The following RBFOX1 variants were observed in gnomAD, a reference collection of about 807,000 sequenced individuals.
RBFOX1 encodes the protein RNA binding fox-1 homolog 1, also known as RNA binding protein fox-1 homolog 1.
RBFOX1 carries 8 observed loss-of-function variants against 57.7 expected under a neutral mutation model. The ratio of observed to expected loss-of-function variants is 0.14; its 90% CI spans 0.08 to 0.25. RBFOX1 has a LOEUF of 0.25. Among genes scored for constraint, RBFOX1 ranks in the 10% least tolerant of loss-of-function variants. The pLI is 1.00. For synonymous variants in RBFOX1, 326 were observed against 222.4 expected, an observed-to-expected ratio of 1.47 and a Z score of -4.15; for missense variants, 611 against 548.5, an observed-to-expected ratio of 1.11 and a Z score of -1.14.
intron 3 of RBFOX1, among the ~76,000 whole-genome samples, chr16:6,991,980 C>T (rs147486478): frequency 2.6e-5 from 4 of 152,104 alleles, no homozygotes; most frequent in Non-Finnish European, 4.4e-5. Flanking sequence ...TAACAGGACT[C>T]CCTGTGTTTC....
At chr16:5,951,380 A>G (rs1259661114) in intron 4 of RBFOX1, among the ~76,000 whole-genome samples, 2 of 152,122 alleles carry the variant, frequency 1.3e-5, no homozygotes, top group Non-Finnish European at 2.9e-5. Context: ...CCCGGGAGGC[A>G]GAGGTTGCAC....
chr16:5,619,634 A>G (rs1329903882), intron 3 of RBFOX1, among the ~76,000 whole-genome samples: 5 of 152,048 alleles, frequency 3.3e-5, no homozygotes, highest in African/African-American at 7.2e-5. Flanking sequence ...TCCTTTACAC[A>G]CCATTAGCAG....
At chr16:6,076,845 G>A (rs1698806785) in intron 1 of RBFOX1, among the ~76,000 whole-genome samples, 1 of 152,138 alleles carries the variant, frequency 6.6e-6, no homozygotes, top group Non-Finnish European at 1.5e-5. Context: ...CCAAAAACGG[G>A]AGCAGAAACA....
At chr16:6,995,962 A>C (rs969110847) in intron 3 of RBFOX1, among the ~76,000 whole-genome samples, 1 of 152,210 alleles carries the variant, frequency 6.6e-6, no homozygotes, top group Non-Finnish European at 1.5e-5. Flanking sequence ...GAAACTTTCT[A>C]GTCCCTAATT....
At chr16:7,212,937 C>T (rs921399902) in intron 4 of RBFOX1, among the ~76,000 whole-genome samples, 5 of 152,150 alleles carry the variant, frequency 3.3e-5, no homozygotes, top group East Asian at 1.9e-4. Context: ...TAGCTCTTAC[C>T]GTGCCACTCA....
intron 4 of RBFOX1, among the ~76,000 whole-genome samples, chr16:5,990,292 C>T (rs1297776023): frequency 6.6e-6 from 1 of 152,092 alleles, no homozygotes; most frequent in African/African-American, 2.4e-5. Flanking sequence ...GTACCCAGCC[C>T]ATAAAGGCAT....
At position 6,087,074 on chromosome 16, in the gene RBFOX1, A is replaced by C. The variant is rs550504078; in HGVS notation, c.-127+67082A>C. Among the ~76,000 whole-genome samples, 5 of 152,318 alleles carry C rather than the reference A, an allele frequency of 3.3e-5. No individual in the cohort carries two copies. The South Asian group carries it at 8.3e-4, about 25-fold the overall frequency. On this transcript the variant is annotated intron_variant, in intron 1 of 15. Transcript: ENST00000550418. ...GGATTGATATCCACAATGTCCCAAA[A>C]GGAAAAGAGACAAATTTGACAGTAA...
intron 4 of RBFOX1, among the ~76,000 whole-genome samples, chr16:7,471,962 G>T (rs55968649): frequency 3.3e-5 from 5 of 152,084 alleles, no homozygotes; most frequent in African/African-American, 4.8e-5. Flanking sequence ...TGACAAAAAA[G>T]GTGCTTGGGA....
At chr16:6,864,231 G>T (rs1339894956) in intron 3 of RBFOX1, among the ~76,000 whole-genome samples, 1 of 151,902 alleles carries the variant, frequency 6.6e-6, no homozygotes, top group Non-Finnish European at 1.5e-5. Flanking sequence ...TATTCCTAGG[G>T]TTCTTCTCAA....
intron 4 of RBFOX1, among the ~76,000 whole-genome samples, chr16:7,213,465 T>C (rs2091510957): frequency 6.6e-6 from 1 of 152,162 alleles, no homozygotes; most frequent in Non-Finnish European, 1.5e-5. Context: ...TGAATCAGAC[T>C]TTAATAGATC....
At chr16:6,262,391 G>A (rs1026019035) in intron 1 of RBFOX1, among the ~76,000 whole-genome samples, 6 of 152,088 alleles carry the variant, frequency 3.9e-5, no homozygotes, top group African/African-American at 9.7e-5. Flanking sequence ...ATATTATGGC[G>A]GTGGGGGGTG....
At chr16:6,102,597 G>A (rs555668139) in intron 1 of RBFOX1, among the ~76,000 whole-genome samples, 5 of 151,988 alleles carry the variant, frequency 3.3e-5, no homozygotes, top group African/African-American at 9.7e-5. Flanking sequence ...CTCACGCCAC[G>A]TCTTCCCTCT....
intron 1 of RBFOX1, among the ~76,000 whole-genome samples, chr16:6,073,207 T>TC (rs2095857381): frequency 6.6e-6 from 1 of 152,156 alleles, no homozygotes; most frequent in Non-Finnish European, 1.5e-5. Flanking sequence ...TCTACTCCAC[T>TC]GACTTCCAGG....
At chr16:5,274,985 C>T (rs1272000349) in intron 1 of RBFOX1, among the ~76,000 whole-genome samples, 2 of 152,112 alleles carry the variant, frequency 1.3e-5, no homozygotes, top group Admixed American at 6.6e-5. Flanking sequence ...ATAGCTGATG[C>T]GAAGCTTGGG....
At chr16:5,483,205 C>A (rs1182099571) in intron 2 of RBFOX1, among the ~76,000 whole-genome samples, 1 of 152,194 alleles carries the variant, frequency 6.6e-6, no homozygotes, top group Non-Finnish European at 1.5e-5. Context: ...TGGATTTCCA[C>A]AATGGGATAG....
chr16:6,779,864 TATATTTA>T (rs2080180338), intron 3 of RBFOX1, among the ~76,000 whole-genome samples: 1 of 37,668 alleles, frequency 2.7e-5, no homozygotes, highest in African/African-American at 1.4e-4. Flanking sequence ...TATATATTTA[TATATTTA>T]TATATATTTA....
chr16:6,790,598 A>G (rs535752261), intron 3 of RBFOX1, among the ~76,000 whole-genome samples: 5 of 152,026 alleles, frequency 3.3e-5, no homozygotes, highest in South Asian at 2.1e-4. Flanking sequence ...GCCTTCTCCA[A>G]TTCAGCACAT....
At chr16:7,021,374 A>G (rs368601340) in intron 3 of RBFOX1, among the ~76,000 whole-genome samples, 2 of 146,542 alleles carry the variant, frequency 1.4e-5, no homozygotes, top group East Asian at 3.9e-4. Flanking sequence ...GTTCTTATAT[A>G]TTTTAAAATA....
intron 3 of RBFOX1, among the ~76,000 whole-genome samples, chr16:6,785,291 T>C (rs1447359773): frequency 6.6e-6 from 1 of 152,174 alleles, no homozygotes; most frequent in Non-Finnish European, 1.5e-5. Context: ...ACACCATGGA[T>C]GGTGGGCCAT....
Sources: gnomAD v4.1 joint callset for allele counts (sites outside exome capture counted in the v4.1 genomes callset) on GRCh38, gnomAD v4.1.1 for gene constraint, MANE v1.5 for transcripts, NCBI Gene and HGNC (gene_info 2026-07-23, HGNC 2026-07-21) for gene names.